Variants in DNAH7 observed in about 807,000 individuals in gnomAD.
DNAH7 encodes dynein axonemal heavy chain 7, also known as axonemal beta dynein heavy chain 7.
A neutral mutation model predicts 444.6 loss-of-function variants in DNAH7; 397 were observed. That is an observed-to-expected ratio of 0.89 (90% CI 0.82 to 0.97). The LOEUF (loss-of-function observed/expected upper bound fraction) is 0.97, where lower values mean the gene tolerates loss of function less well. DNAH7 is among the 50% of genes least tolerant of loss of function. The probability of loss-of-function intolerance (pLI) is 0.00; values close to 1 mark genes in which losing one functional copy is unlikely to be tolerated. For synonymous variants in DNAH7, 1,636 were observed against 1,624.4 expected, an observed-to-expected ratio of 1.01 and a Z score of -0.17; for missense variants, 4,902 against 4,800.8, an observed-to-expected ratio of 1.02 and a Z score of -0.62.
intron 56 of DNAH7, among the ~76,000 whole-genome samples, chr2:195,796,150 G>C (rs965928044): frequency 3.3e-5 from 5 of 152,246 alleles, no homozygotes; most frequent in Admixed American, 2.6e-4. Context: ...AACTGGCCAA[G>C]TGGGAGAGAA....
chr2:195,997,406 C>T (rs566500117), intron 12 of DNAH7, among the ~76,000 whole-genome samples: 120 of 152,060 alleles, frequency 7.9e-4, no homozygotes, highest in Non-Finnish European at 1.3e-3. Flanking sequence ...CAGCTACTCG[C>T]GGGGAGGCTG....
intron 1 of DNAH7, among the ~76,000 whole-genome samples, chr2:196,060,236 A>G (rs1363785791): frequency 6.6e-6 from 1 of 151,896 alleles, no homozygotes; most frequent in African/African-American, 2.4e-5. Context: ...GAAAAACAAA[A>G]ACAAACAAAC....
At chr2:196,065,530 T>C (rs1314289970) in intron 1 of DNAH7, among the ~76,000 whole-genome samples, 2 of 152,204 alleles carry the variant, frequency 1.3e-5, no homozygotes, top group Admixed American at 6.5e-5. Flanking sequence ...GGCTGAATTC[T>C]ACAGATGGAC....
At chr2:196,016,984 G>A (rs982781400) in intron 9 of DNAH7, among the ~76,000 whole-genome samples, 1 of 152,092 alleles carries the variant, frequency 6.6e-6, no homozygotes, top group Admixed American at 6.6e-5. Context: ...ATATGAGCGA[G>A]AGTGCTTTTT....
At chr2:195,786,737 A>G (rs1695642950) in intron 58 of DNAH7, among the ~76,000 whole-genome samples, 1 of 152,190 alleles carries the variant, frequency 6.6e-6, no homozygotes, top group South Asian at 2.1e-4. Flanking sequence ...AATAAGTATA[A>G]TATTATCATT....
At chr2:195,842,003 C>T (rs2124995267) in intron 47 of DNAH7, among the ~76,000 whole-genome samples, 1 of 152,122 alleles carries the variant, frequency 6.6e-6, no homozygotes, top group South Asian at 2.1e-4. Flanking sequence ...TTCGTTTTTA[C>T]ACACACATAA....
chr2:195,888,764 T>A, intron 32 of DNAH7, 35 bp downstream of exon 32: 1 of 1,581,264 alleles, frequency 6.3e-7, no homozygotes, highest in Non-Finnish European at 8.6e-7. Context: ...TAACATTTTA[T>A]AATTTATAAA....
intron 5 of DNAH7, among the ~76,000 whole-genome samples, chr2:196,045,146 A>G (rs933526270): frequency 4.2e-5 from 6 of 144,148 alleles, no homozygotes; most frequent in South Asian, 4.6e-4. Context: ...GGAGGAGGAG[A>G]AGGAGGAGGA....
intron 9 of DNAH7, among the ~76,000 whole-genome samples, chr2:196,015,250 A>G (rs1694945760): frequency 6.6e-6 from 1 of 152,118 alleles, no homozygotes. Context: ...TTTAATTTCA[A>G]TCTCTTTACA....
At chr2:195,929,672 G>A (rs1463685716) in intron 21 of DNAH7, among the ~76,000 whole-genome samples, 2 of 152,208 alleles carry the variant, frequency 1.3e-5, no homozygotes, top group African/African-American at 4.8e-5. Flanking sequence ...CTAGCCATAT[G>A]AAGAAGAATG....
At chr2:195,930,282 C>T (rs6761051) in intron 21 of DNAH7, among the ~76,000 whole-genome samples, 2,571 of 152,206 alleles carry the variant, frequency 0.017, 67 homozygotes, top group African/African-American at 0.058. Flanking sequence ...ATGGGGGTTG[C>T]AGTGAGATGA....
chr2:195,956,045 G>A (rs1209761175), intron 19 of DNAH7, among the ~76,000 whole-genome samples: 1 of 151,920 alleles, frequency 6.6e-6, no homozygotes, highest in Non-Finnish European at 1.5e-5. Context: ...ACATAAATGA[G>A]GTAAAGATTA....
chr2:195,836,053 C>G (rs1024556584), intron 47 of DNAH7, among the ~76,000 whole-genome samples: 4 of 152,140 alleles, frequency 2.6e-5, no homozygotes, highest in Admixed American at 1.3e-4. Flanking sequence ...TTGGTTTTTG[C>G]AGAGCCTCTC....
At chr2:195,995,271 A>T (rs1175003631) in intron 12 of DNAH7, 6 of 445,032 alleles carry the variant, frequency 1.3e-5, no homozygotes, top group Non-Finnish European at 2.6e-5. Flanking sequence ...AATGTTGGTG[A>T]TATCATAAGT....
At position 195,960,767 on chromosome 2, in the gene DNAH7, T is replaced by TG. The variant is rs760311237; in HGVS notation, c.2383dup (p.Gln795ProfsTer15). The TG allele has an allele frequency of 1.2e-6, 2 of 1,614,186 alleles. No individual in the cohort carries two copies. The highest frequency in any genetic ancestry group is 2.2e-5 in the South Asian group (2 of 91,080). On this transcript the variant is annotated frameshift_variant, in exon 18 of 65. Transcript: ENST00000312428. LOFTEE classifies it high-confidence loss of function. Reference sequence around the variant, plus strand: ...GTAATTTCCAATATCTGCTTCTACTTGGTCTGGATTCACTTTATGATATGG... The same window carrying TG: ...GTAATTTCCAATATCTGCTTCTACTTGGGTCTGGATTCACTTTATGATATGG...
At chr2:195,738,276 G>A in intron 64 of DNAH7, 149 bp from the exon 65 acceptor site, 1 of 645,814 alleles carries the variant, frequency 1.5e-6, no homozygotes. Flanking sequence ...TGTTGTGATT[G>A]CTCAAAACAT....
intron 5 of DNAH7, among the ~76,000 whole-genome samples, chr2:196,030,289 T>A (rs976692404): frequency 3.9e-5 from 6 of 152,158 alleles, no homozygotes; most frequent in Non-Finnish European, 8.8e-5. Context: ...ATCATAGGAA[T>A]AATATGGGAG....
intron 30 of DNAH7, chr2:195,894,228 C>T (rs1214303629): frequency 6.6e-6 from 1 of 151,944 alleles, no homozygotes; most frequent in Non-Finnish European, 1.5e-5. Flanking sequence ...CAGTGACACC[C>T]AAGGATATAA....
intron 63 of DNAH7, 133 bp from the exon 64 acceptor site, chr2:195,741,002 A>G (rs1034020448): frequency 2.6e-6 from 1 of 377,598 alleles, no homozygotes; most frequent in Admixed American, 4.4e-5. Flanking sequence ...TTCTCCAATG[A>G]AAGCAATCTC....
Sources: gnomAD v4.1 joint callset for allele counts (sites outside exome capture counted in the v4.1 genomes callset) on GRCh38, gnomAD v4.1.1 for gene constraint, MANE v1.5 for transcripts, NCBI Gene and HGNC (gene_info 2026-07-23, HGNC 2026-07-21) for gene names.